KDM5A: variants seen among roughly 807,000 people sequenced by gnomAD.
KDM5A encodes the protein lysine demethylase 5A, also known as lysine-specific demethylase 5A.
KDM5A carries 42 observed loss-of-function variants against 193.5 expected under a neutral mutation model. That is an observed-to-expected ratio of 0.22 (90% CI 0.17 to 0.28). The LOEUF is 0.28. Ranked by LOEUF, KDM5A falls within the 10% of genes least tolerant of loss-of-function variation. KDM5A has a pLI of 1.00. For synonymous variants in KDM5A, 796 were observed against 718.1 expected (o/e 1.11, Z -1.73); for missense variants, 1,692 against 2,055.1 (o/e 0.82, Z 3.42).
chr12:293,348 G>C (rs1055651282), intron 26 of KDM5A, among the ~76,000 whole-genome samples, 179 bp from the exon 27 acceptor site: 3 of 152,136 alleles, frequency 2.0e-5, no homozygotes, highest in Admixed American at 1.3e-4. Context: ...GTTTCTGTTG[G>C]GGATAACTAA....
At chr12:331,960 G>A (rs1943871072) in intron 12 of KDM5A, 22 bp from the exon 13 acceptor site, 3 of 1,609,784 alleles carry the variant, frequency 1.9e-6, no homozygotes, top group African/African-American at 2.7e-5. Context: ...TTGGGAACAG[G>A]GATACAAAAA....
intron 3 of KDM5A, among the ~76,000 whole-genome samples, chr12:368,716 G>A (rs150733187): frequency 2.6e-3 from 398 of 152,268 alleles, no homozygotes; most frequent in South Asian, 3.5e-3. Context: ...GGGCAAGAGC[G>A]AGACCCTGTC....
intron 27 of KDM5A, among the ~76,000 whole-genome samples, chr12:291,899 T>C (rs1272053538): frequency 1.3e-5 from 2 of 149,340 alleles, no homozygotes; most frequent in Admixed American, 1.4e-4. Context: ...TTTAAAACAA[T>C]GCTTTTTTTT....
At chr12:357,722 G>A (rs1196862082) in intron 5 of KDM5A, among the ~76,000 whole-genome samples, 1 of 147,978 alleles carries the variant, frequency 6.8e-6, no homozygotes, top group Non-Finnish European at 1.5e-5. Flanking sequence ...CAGCTACTTG[G>A]GAGGCTGAAG....
intron 15 of KDM5A, 70 bp from the exon 16 acceptor site, chr12:323,276 C>T: frequency 1.7e-6 from 2 of 1,207,606 alleles, no homozygotes; most frequent in Non-Finnish European, 2.1e-6. Context: ...CCAACAATAA[C>T]TTAAAAATAA....
chr12:367,640 T>G (rs1944373769), intron 3 of KDM5A, among the ~76,000 whole-genome samples: 1 of 151,992 alleles, frequency 6.6e-6, no homozygotes, highest in African/African-American at 2.4e-5. Context: ...AGGCAAAGGT[T>G]GCAGTTAGCT....
intron 5 of KDM5A, among the ~76,000 whole-genome samples, chr12:358,058 T>C (rs998274116): frequency 1.3e-5 from 2 of 152,084 alleles, no homozygotes; most frequent in African/African-American, 4.8e-5. Context: ...TGTAAAAATG[T>C]GTGCTTATGT....
intron 3 of KDM5A, among the ~76,000 whole-genome samples, chr12:380,526 G>T (rs1944560858): frequency 1.3e-5 from 2 of 152,082 alleles, no homozygotes; most frequent in African/African-American, 4.8e-5. Context: ...GGCCAGCCTG[G>T]CCAACATGGT....
chr12:339,039 G>A (rs7975247), intron 10 of KDM5A, among the ~76,000 whole-genome samples: 6,023 of 152,034 alleles, frequency 0.04, 384 homozygotes, highest in African/African-American at 0.13. Flanking sequence ...GTAGCCGGGC[G>A]TGGTGGTGCG....
intron 10 of KDM5A, among the ~76,000 whole-genome samples, chr12:348,482 T>C (rs1257519811): frequency 4.6e-5 from 7 of 152,160 alleles, no homozygotes; most frequent in Non-Finnish European, 8.8e-5. Flanking sequence ...TGCGGCAGTA[T>C]TCACAATAGC....
intron 5 of KDM5A, among the ~76,000 whole-genome samples, chr12:362,258 C>G (rs1944301965): frequency 6.7e-6 from 1 of 148,686 alleles, no homozygotes; most frequent in African/African-American, 2.5e-5. Flanking sequence ...GAAAAGGAAA[C>G]AGGGGTTTGA....
At chr12:327,487 A>T (rs565582248) in intron 14 of KDM5A, among the ~76,000 whole-genome samples, 3 of 152,208 alleles carry the variant, frequency 2.0e-5, no homozygotes, top group Non-Finnish European at 4.4e-5. Context: ...AGGTGGGTGG[A>T]TCACTTGAGG....
At chr12:304,993 G>C (rs1008756781) in intron 24 of KDM5A, among the ~76,000 whole-genome samples, 2 of 152,114 alleles carry the variant, frequency 1.3e-5, no homozygotes, top group East Asian at 3.8e-4. Flanking sequence ...ATACAACTTC[G>C]TAAACAAAGA....
chr12:333,766 G>T, intron 11 of KDM5A, 117 bp from the exon 12 acceptor site: 2 of 990,920 alleles, frequency 2.0e-6, no homozygotes, highest in Non-Finnish European at 1.6e-6. Context: ...CAGATTATAT[G>T]CCCTGAATTC....
At chr12:311,205 T>C (rs1943581719) in intron 20 of KDM5A, 141 bp from the exon 21 acceptor site, 2 of 750,890 alleles carry the variant, frequency 2.7e-6, no homozygotes, top group Non-Finnish European at 4.4e-6. Flanking sequence ...CTTGAATTAA[T>C]ATAACTTCCA....
At chr12:288,202 T>C (rs1943245157) in intron 27 of KDM5A, among the ~76,000 whole-genome samples, 1 of 152,216 alleles carries the variant, frequency 6.6e-6, no homozygotes, top group African/African-American at 2.4e-5. Context: ...GGATGTCAAC[T>C]GAATCCACAG....
chr12:354,506 C>T (rs779950583), intron 7 of KDM5A, among the ~76,000 whole-genome samples: 1 of 152,120 alleles, frequency 6.6e-6, no homozygotes, highest in African/African-American at 2.4e-5. Flanking sequence ...CAGTGGCTCA[C>T]GCCTGTAATC....
At chr12:346,029 T>A (rs1197287923) in intron 10 of KDM5A, among the ~76,000 whole-genome samples, 1 of 150,754 alleles carries the variant, frequency 6.6e-6, no homozygotes, top group Non-Finnish European at 1.5e-5. Flanking sequence ...GCAAGACTAA[T>A]AAAAAAGAAA....
chr12:367,642 C>T (rs1944373790), intron 3 of KDM5A, among the ~76,000 whole-genome samples: 1 of 151,962 alleles, frequency 6.6e-6, no homozygotes, highest in South Asian at 2.1e-4. Context: ...GCAAAGGTTG[C>T]AGTTAGCTGA....
Sources: allele counts gnomAD v4.1 joint callset (sites outside exome capture counted in the v4.1 genomes callset), GRCh38; gene constraint gnomAD v4.1.1; transcripts MANE v1.5; gene names NCBI Gene and HGNC (gene_info 2026-07-23, HGNC 2026-07-21).